Variants in TRAK2 observed in about 807,000 individuals in gnomAD.
The protein encoded by TRAK2 is trafficking kinesin protein 2, also known as trafficking kinesin-binding protein 2.
Under a neutral mutation model 104.6 loss-of-function variants are expected in TRAK2, and 81 were observed. The ratio of observed to expected loss-of-function variants is 0.77; its 90% CI spans 0.65 to 0.93. The LOEUF is 0.93. Among genes scored for constraint, TRAK2 ranks in the 40% least tolerant of loss-of-function variants. The pLI is 0.00. For missense variants in TRAK2, 1,002 were observed against 1,089.0 expected, an observed-to-expected ratio of 0.92 and a Z score of 1.12; for synonymous variants, 406 against 394.4, an observed-to-expected ratio of 1.03 and a Z score of -0.35.
chr2:201,450,827 A>G (rs1952025709), intron 1 of TRAK2, among the ~76,000 whole-genome samples: 1 of 152,094 alleles, frequency 6.6e-6, no homozygotes, highest in Non-Finnish European at 1.5e-5. Context: ...ACTAAAAAGG[A>G]CATGTGCGAA....
intron 14 of TRAK2, among the ~76,000 whole-genome samples, chr2:201,385,048 T>G (rs568456112): frequency 6.6e-6 from 1 of 152,194 alleles, no homozygotes; most frequent in Admixed American, 6.5e-5. Context: ...AGTGAGCCTG[T>G]CCTTCAAGAA....
intron 10 of TRAK2, among the ~76,000 whole-genome samples, chr2:201,390,511 C>T (rs1338502144): frequency 7.0e-6 from 1 of 142,258 alleles, no homozygotes; most frequent in Non-Finnish European, 1.5e-5. Context: ...TTTCAGTGAG[C>T]TGAGATCGCA....
At chr2:201,449,301 T>G (rs1323693951) in intron 1 of TRAK2, among the ~76,000 whole-genome samples, 1 of 152,192 alleles carries the variant, frequency 6.6e-6, no homozygotes, top group Non-Finnish European at 1.5e-5. Context: ...TACGTATTAG[T>G]TACCTGATCT....
chr2:201,386,217 C>G lies in TRAK2; in HGVS notation c.1963+1G>C. On this transcript the variant is annotated splice_donor_variant, in intron 14 of 15. Coordinates refer to ENST00000332624, the MANE Select transcript of TRAK2 (RefSeq NM_015049.3). LOFTEE classifies it high-confidence loss of function. ...CATATTCAACCAGACACTCTTCTCA[C>G]CTGTAACTGGTCCACCTGCTGAAGT... is the stretch of plus-strand genomic sequence containing the variant. 6.2e-7 allele frequency: 1 copy of G among 1,614,090 alleles called. No individual in the cohort carries two copies. The highest frequency in any genetic ancestry group is 1.1e-5 in the South Asian group (1 of 91,078).
At chr2:201,448,748 A>AT (rs1463998660) in intron 1 of TRAK2, among the ~76,000 whole-genome samples, 1 of 152,030 alleles carries the variant, frequency 6.6e-6, no homozygotes, top group Non-Finnish European at 1.5e-5. Context: ...TCGTATTTTA[A>AT]TTTTTTTTAG....
chr2:201,423,141 C>T (rs1951757879), intron 1 of TRAK2, among the ~76,000 whole-genome samples: 1 of 151,480 alleles, frequency 6.6e-6, no homozygotes, highest in East Asian at 1.9e-4. Flanking sequence ...GTGGTGCAAT[C>T]ATAGCTCACT....
intron 12 of TRAK2, 124 bp from the exon 13 acceptor site, chr2:201,388,125 C>T: frequency 9.7e-7 from 1 of 1,034,160 alleles, no homozygotes; most frequent in Non-Finnish European, 1.5e-6. Flanking sequence ...TCCTAGATAC[C>T]TGGAATATAG....
In TRAK2 at chr2:201,420,445, G is replaced by A; in HGVS notation, c.63C>T (p.Ser21=). ...TGATGCTCTCCGAGTCTCTGTGATTGCTATTCATGAGGTTTTCTTCACCTG... is the reference window on the plus strand; with the variant it reads ...TGATGCTCTCCGAGTCTCTGTGATTACTATTCATGAGGTTTTCTTCACCTG... The part of the protein sequence containing the change: ...SPTGEENLMN[S]NHRDSESITD... The change falls in exon 2 of 16, where the codon AGC becomes AGT. Residue 21 remains serine, a synonymous_variant. Coordinates refer to ENST00000332624, the MANE Select transcript of TRAK2 (RefSeq NM_015049.3). 6.2e-7 allele frequency: 1 copy of A among 1,613,950 alleles called. No individual in the cohort carries two copies. The highest frequency in any genetic ancestry group is 8.5e-7 in the Non-Finnish European group (1 of 1,179,924).
rs1364186080 is a variant in TRAK2 at position 201,377,306 on chromosome 2, G to A, written c.*3237C>T. On this transcript the variant is annotated 3_prime_UTR_variant, in exon 16 of 16. Transcript: ENST00000332624. ...TTGACAAAGTCAAATCCCAGGTATC[G>A]AACAATAGTATTCCCCTGGCTGCCC... The A allele has an allele frequency of 1.3e-5, 2 of 152,226 alleles. No individual in the cohort carries two copies. Among genetic ancestry groups the A allele is most frequent in the African/African-American group, 2.4e-5 (1 of 41,468 alleles). 9.4% of individuals were successfully genotyped at this position (152,226 alleles called of 1,614,324 possible). A position where few individuals can be genotyped will look rare whatever the true frequency, so the allele number is the denominator to read the frequency against.
At chr2:201,430,940 T>C (rs942331915) in intron 1 of TRAK2, among the ~76,000 whole-genome samples, 2 of 152,232 alleles carry the variant, frequency 1.3e-5, no homozygotes, top group African/African-American at 4.8e-5. Context: ...GCTGTTCCTA[T>C]TTGGCCATCT....
At chr2:201,432,693 A>G (rs946963203) in intron 1 of TRAK2, among the ~76,000 whole-genome samples, 2 of 152,220 alleles carry the variant, frequency 1.3e-5, no homozygotes, top group African/African-American at 4.8e-5. Flanking sequence ...CTGTGCCTAA[A>G]AAATATCTTG....
chr2:201,390,207 A>G (rs1333973525), intron 10 of TRAK2, among the ~76,000 whole-genome samples: 1 of 148,712 alleles, frequency 6.7e-6, no homozygotes, highest in Non-Finnish European at 1.5e-5. Flanking sequence ...GTATTTAACA[A>G]TTTTTTTTTT....
chr2:201,381,221 T>TAAAAAA lies in TRAK2; in HGVS notation c.2070-9_2070-4dup. ...AGGATAATGAAGGGAACCCAGAGCT[T>TAAAAAA]AAAAAAAAAAAAAAAAAGTGGGAGA... On this transcript the variant is annotated splice_polypyrimidine_tract_variant and splice_region_variant and intron_variant, in intron 15 of 15. Coordinates refer to ENST00000332624, the MANE Select transcript of TRAK2 (RefSeq NM_015049.3). The TAAAAAA allele has an allele frequency of 6.6e-7, 1 of 1,520,264 alleles. No homozygotes were observed. Among genetic ancestry groups the TAAAAAA allele is most frequent in the Non-Finnish European group, 8.8e-7 (1 of 1,134,440 alleles). 94.2% of individuals were successfully genotyped at this position (1,520,264 alleles called of 1,614,324 possible).
At position 201,378,193 on chromosome 2, in the gene TRAK2, C is replaced by A. The variant is rs1030113284; in HGVS notation, c.*2350G>T. 1 of 152,126 alleles carries A rather than the reference C, an allele frequency of 6.6e-6. No individual in the cohort carries two copies. Among genetic ancestry groups the A allele is most frequent in the Non-Finnish European group, 1.5e-5 (1 of 68,014 alleles). The allele number at this position is 152,126 out of a possible 1,614,324, so 9.4% of individuals were successfully genotyped here. A position where few individuals can be genotyped will look rare whatever the true frequency, so the allele number is the denominator to read the frequency against. On this transcript the variant is annotated 3_prime_UTR_variant, in exon 16 of 16. Coordinates refer to ENST00000332624, the MANE Select transcript of TRAK2 (RefSeq NM_015049.3). ...GGTGTTTCTGGTGGAACATCAACAT[C>A]AATGTACTTAAAAAAAATCTAAGCC...
At chr2:201,413,559 GATCAA>G (rs1951667007) in intron 2 of TRAK2, among the ~76,000 whole-genome samples, 1 of 152,028 alleles carries the variant, frequency 6.6e-6, no homozygotes, top group African/African-American at 2.4e-5. Context: ...TACACCTAGA[GATCAA>G]ATCAAGACTG....
chr2:201,412,013 A>T, intron 2 of TRAK2: 1 of 1,004,804 alleles, frequency 1.0e-6, no homozygotes, highest in Non-Finnish European at 1.6e-6. Context: ...GGTTTTGGTT[A>T]GTAGCAAATC....
chr2:201,431,426 T>C (rs981656012), intron 1 of TRAK2, among the ~76,000 whole-genome samples: 2 of 152,128 alleles, frequency 1.3e-5, no homozygotes, highest in Non-Finnish European at 2.9e-5. Context: ...CAGGGAAAAA[T>C]CATTCCCTTG....
chr2:201,437,342 C>G (rs1225751321), intron 1 of TRAK2, among the ~76,000 whole-genome samples: 2 of 152,132 alleles, frequency 1.3e-5, no homozygotes, highest in African/African-American at 4.8e-5. Context: ...CTCTCCTTCT[C>G]TCCTCTGGAA....
At chr2:201,397,332 T>C (rs887913007) in intron 7 of TRAK2, among the ~76,000 whole-genome samples, 170 bp downstream of exon 7, 2 of 152,202 alleles carry the variant, frequency 1.3e-5, no homozygotes, top group Admixed American at 6.5e-5. Flanking sequence ...ATACATATGG[T>C]ATCTTATTTA....
Sources: allele counts gnomAD v4.1 joint callset (sites outside exome capture counted in the v4.1 genomes callset), GRCh38; gene constraint gnomAD v4.1.1; transcripts MANE v1.5; gene names NCBI Gene and HGNC (gene_info 2026-07-23, HGNC 2026-07-21).